PTPRZ1: variants seen among roughly 807,000 people sequenced by gnomAD.
PTPRZ1 encodes the protein receptor-type tyrosine-protein phosphatase zeta.
In PTPRZ1, 82 loss-of-function variants were observed where a neutral mutation model predicts 214.1. That is an observed-to-expected ratio of 0.38 (90% confidence interval 0.32 to 0.46). The LOEUF (loss-of-function observed/expected upper bound fraction) is 0.46. Among genes scored for constraint, PTPRZ1 ranks in the 20% least tolerant of loss-of-function variants. The pLI, the probability that PTPRZ1 is intolerant of heterozygous loss-of-function variation, is 1.00. For synonymous variants in PTPRZ1, 945 were observed against 987.9 expected, an observed-to-expected ratio of 0.96 and a Z score of 0.81; for missense variants, 2,603 against 2,748.7, an observed-to-expected ratio of 0.95 and a Z score of 1.19.
At chr7:122,040,780 GTGTT>G (rs759945303) in intron 20 of PTPRZ1, 32 bp from the exon 21 acceptor site, 6 of 1,120,744 alleles carry the variant, frequency 5.4e-6, no homozygotes, top group East Asian at 3.0e-5. Flanking sequence ...GTGTGTGTGT[GTGTT>G]TGACTGTTAT....
chr7:121,987,202 T>G (rs1797784868), intron 8 of PTPRZ1, among the ~76,000 whole-genome samples: 1 of 151,886 alleles, frequency 6.6e-6, no homozygotes, highest in Non-Finnish European at 1.5e-5. Context: ...GGCCTTAGAG[T>G]CTTTGCCTTC....
intron 1 of PTPRZ1, among the ~76,000 whole-genome samples, chr7:121,926,076 G>A (rs1259495322): frequency 6.6e-6 from 1 of 152,122 alleles, no homozygotes; most frequent in African/African-American, 2.4e-5. Context: ...AGGCCAAGGC[G>A]GGCGGATCAC....
At chr7:121,986,215 C>G (rs143773853) in intron 8 of PTPRZ1, among the ~76,000 whole-genome samples, 81 of 152,296 alleles carry the variant, frequency 5.3e-4, no homozygotes, top group African/African-American at 1.9e-3. Context: ...CCTCACTTCA[C>G]TCTTATGAAG....
intron 10 of PTPRZ1, among the ~76,000 whole-genome samples, chr7:121,998,873 G>A (rs1036957826): frequency 3.3e-5 from 5 of 152,118 alleles, no homozygotes; most frequent in Admixed American, 1.3e-4. Flanking sequence ...TTTAATGTAA[G>A]TGAGTGGTTA....
chr7:121,918,868 A>G (rs1173503749), intron 1 of PTPRZ1, among the ~76,000 whole-genome samples: 2 of 151,954 alleles, frequency 1.3e-5, no homozygotes, highest in Non-Finnish European at 2.9e-5. Context: ...CAATAAATAT[A>G]TTTGAAAATA....
intron 27 of PTPRZ1, among the ~76,000 whole-genome samples, chr7:122,058,317 G>A (rs1010285338): frequency 3.9e-5 from 6 of 152,166 alleles, no homozygotes; most frequent in African/African-American, 1.4e-4. Flanking sequence ...GTAAGAATCA[G>A]AATTGGGATC....
At chr7:122,054,383 C>T (rs1792285880) in intron 26 of PTPRZ1, among the ~76,000 whole-genome samples, 1 of 151,804 alleles carries the variant, frequency 6.6e-6, no homozygotes, top group South Asian at 2.1e-4. Context: ...TAGAGATTCC[C>T]TGAGTTTAAG....
intron 1 of PTPRZ1, among the ~76,000 whole-genome samples, chr7:121,893,255 A>C (rs1794692722): frequency 6.6e-6 from 1 of 152,118 alleles, no homozygotes; most frequent in African/African-American, 2.4e-5. Flanking sequence ...GCCCAAAAAA[A>C]CCCCAAATGG....
chr7:121,927,687 A>G (rs1795804110), intron 1 of PTPRZ1, among the ~76,000 whole-genome samples: 1 of 152,234 alleles, frequency 6.6e-6, no homozygotes, highest in African/African-American at 2.4e-5. Flanking sequence ...TTGCATTAGG[A>G]AGGAAGCAAA....
chr7:121,926,015 G>T (rs889376910), intron 1 of PTPRZ1, among the ~76,000 whole-genome samples: 1 of 152,098 alleles, frequency 6.6e-6, no homozygotes, highest in African/African-American at 2.4e-5. Context: ...AGTAGAGAAA[G>T]AATTACAAGC....
At chr7:121,951,359 T>G (rs1291890097) in intron 2 of PTPRZ1, among the ~76,000 whole-genome samples, 5 of 152,172 alleles carry the variant, frequency 3.3e-5, no homozygotes, top group African/African-American at 1.2e-4. Flanking sequence ...AGTATCACTT[T>G]TAAAAGTTTT....
intron 8 of PTPRZ1, among the ~76,000 whole-genome samples, chr7:121,992,728 G>T (rs1474356927): frequency 7.8e-6 from 1 of 128,464 alleles, no homozygotes; most frequent in African/African-American, 2.5e-5. Flanking sequence ...CATCCTAAAG[G>T]CTGAGACACT....
chr7:121,939,277 G>C (rs911617167), intron 2 of PTPRZ1, among the ~76,000 whole-genome samples: 3 of 152,130 alleles, frequency 2.0e-5, no homozygotes, highest in African/African-American at 4.8e-5. Context: ...AACAGGGAAG[G>C]CTGCATTTTA....
intron 10 of PTPRZ1, among the ~76,000 whole-genome samples, chr7:121,998,830 A>G (rs1190561459): frequency 6.6e-6 from 1 of 152,162 alleles, no homozygotes; most frequent in Non-Finnish European, 1.5e-5. Flanking sequence ...GGTCATCCAT[A>G]TTAGGAGCCT....
At chr7:122,031,639 C>A in intron 15 of PTPRZ1, 80 bp downstream of exon 15, 1 of 1,017,230 alleles carries the variant, frequency 9.8e-7, no homozygotes, top group South Asian at 1.7e-5. Flanking sequence ...TATTTCTTGA[C>A]CTAAAGACAG....
At position 121,918,201 on chromosome 7, in the gene PTPRZ1, C is replaced by T. The variant is rs529797363; in HGVS notation, c.59-9955C>T. ...AACATGACCCGCACCTATTTTAGAA[C>T]AGGTTGTTAACACATAAAGCTGCCA... On this transcript the variant is annotated intron_variant, in intron 1 of 29. Coordinates refer to ENST00000393386, the MANE Select transcript of PTPRZ1 (RefSeq NM_002851.3). Among the ~76,000 whole-genome samples, 4 of 152,284 alleles carry T rather than the reference C, an allele frequency of 2.6e-5. No homozygotes were observed. In the South Asian group the frequency reaches 8.3e-4, roughly 32 times the overall value.
intron 4 of PTPRZ1, among the ~76,000 whole-genome samples, chr7:121,974,168 A>G (rs1797356615): frequency 6.6e-6 from 1 of 152,128 alleles, no homozygotes; most frequent in African/African-American, 2.4e-5. Context: ...TTTTTTTAAA[A>G]GATGGATATC....
intron 6 of PTPRZ1, among the ~76,000 whole-genome samples, chr7:121,977,248 C>A (rs2116545965): frequency 6.6e-6 from 1 of 152,206 alleles, no homozygotes; most frequent in Non-Finnish European, 1.5e-5. Flanking sequence ...AATTGTTACT[C>A]AAGTTAAAAT....
rs1221322432 is a variant in PTPRZ1 at position 122,010,671 on chromosome 7, C to T, written c.1625C>T (p.Ser542Phe). ...ACTTCAGCCTCTTTAAATGATGGCT[C>T]TAAAACTGTTCTTAGATCTCCACAT... ...EGTSASLNDG[S>F]KTVLRSPHMN... Residue 542 changes from serine to phenylalanine, a missense_variant, in exon 12 of 30, where the codon TCT (serine) becomes TTT (phenylalanine). Physicochemically the swap from Ser to Phe is radical, Grantham distance 155 (BLOSUM62 -2). This residue lies in a region of PTPRZ1 where 1,913 missense variants were observed against 1,914.3 expected (regional missense o/e 1.00). Transcript: ENST00000393386. 4 of 1,613,682 alleles carry T rather than the reference C, an allele frequency of 2.5e-6. No individual in the cohort carries two copies. Among genetic ancestry groups the T allele is most frequent in the Non-Finnish European group, 3.4e-6 (4 of 1,179,762 alleles).
Sources: gnomAD v4.1 joint callset for allele counts (sites outside exome capture counted in the v4.1 genomes callset) on GRCh38, gnomAD v4.1.1 for gene constraint, gnomAD v4.1.1 regional missense constraint, MANE v1.5 for transcripts, NCBI Gene and HGNC (gene_info 2026-07-23, HGNC 2026-07-21) for gene names.